WDPCP: variants seen among roughly 807,000 people sequenced by gnomAD.
The protein encoded by WDPCP is WD repeat-containing and planar cell polarity effector protein fritz homolog.
A neutral mutation model predicts 93.1 loss-of-function variants in WDPCP; 71 were observed. That is an observed-to-expected ratio of 0.76 (90% confidence interval 0.63 to 0.93). WDPCP has a LOEUF of 0.93. WDPCP is among the 40% of genes least tolerant of loss of function. WDPCP has a pLI of 0.00. For missense variants in WDPCP, 844 were observed against 887.4 expected (o/e 0.95, Z 0.62); for synonymous variants, 315 against 315.0 (o/e 1.00, Z 0.00).
chr2:63,659,994 A>T (rs561702078), intron 2 of WDPCP, among the ~76,000 whole-genome samples: 1 of 152,130 alleles, frequency 6.6e-6, no homozygotes, highest in African/African-American at 2.4e-5. Flanking sequence ...TATGCTGTAT[A>T]TTATATTTAC....
At position 63,788,262 on chromosome 2, in the gene WDPCP, TA is replaced by T. The variant is rs537036121; in HGVS notation, n.308+25359del. Among the ~76,000 whole-genome samples, 390 of 152,122 alleles carry T rather than the reference TA, an allele frequency of 2.6e-3. 1 individual carries two copies. The highest frequency in any genetic ancestry group is 2.8e-3 in the Non-Finnish European group (192 of 67,988). ...GATGTTCCAGTACAGTCAAGTACCA[TA>T]AAAAAACAAAATGAGCAATATGTCA... On this transcript the variant is annotated intron_variant and non_coding_transcript_variant, in intron 2 of 4. Transcript: ENST00000467687.
chr2:63,505,958 G>C (rs1213521565), intron 1 of WDPCP, among the ~76,000 whole-genome samples: 3 of 151,960 alleles, frequency 2.0e-5, no homozygotes, highest in African/African-American at 2.4e-5. Context: ...AAATAAAACA[G>C]AACCATGTCC....
At chr2:63,452,990 C>G (rs893323221) in intron 6 of WDPCP, among the ~76,000 whole-genome samples, 99 of 152,258 alleles carry the variant, frequency 6.5e-4, no homozygotes, top group Non-Finnish European at 1.2e-3. Flanking sequence ...CATAAAAACC[C>G]TAGAAGAAAA....
At chr2:63,350,593 T>C (rs763415019) in intron 12 of WDPCP, among the ~76,000 whole-genome samples, 7 of 152,142 alleles carry the variant, frequency 4.6e-5, no homozygotes, top group Non-Finnish European at 8.8e-5. Context: ...AGGCTTACAC[T>C]GTGAGCTACT....
intron 2 of WDPCP, among the ~76,000 whole-genome samples, chr2:63,731,148 A>G (rs1669554952): frequency 6.6e-6 from 1 of 151,870 alleles, no homozygotes. Flanking sequence ...ACGTGCCTGT[A>G]GTTCCAGCTA....
At chr2:63,285,998 C>CTG (rs1210535636) in intron 13 of WDPCP, among the ~76,000 whole-genome samples, 2 of 150,326 alleles carry the variant, frequency 1.3e-5, no homozygotes, top group Non-Finnish European at 3.0e-5. Context: ...ACAAGTTTCT[C>CTG]TCTCTCTCTC....
chr2:63,390,319 T>A (rs1276648287), intron 10 of WDPCP, among the ~76,000 whole-genome samples: 1 of 151,968 alleles, frequency 6.6e-6, no homozygotes, highest in East Asian at 1.9e-4. Context: ...ATAATGAAAT[T>A]AAGGCAGAAA....
At chr2:63,131,254 T>C (rs1215454359) in intron 17 of WDPCP, among the ~76,000 whole-genome samples, 1 of 152,190 alleles carries the variant, frequency 6.6e-6, no homozygotes, top group Non-Finnish European at 1.5e-5. Context: ...TGTGGCTTTT[T>C]GGTTCCTCAT....
chr2:63,396,889 C>T (rs571984296), intron 10 of WDPCP, among the ~76,000 whole-genome samples: 7 of 152,244 alleles, frequency 4.6e-5, no homozygotes, highest in African/African-American at 1.4e-4. Context: ...GCATTTAGCT[C>T]CCACTTATAA....
rs548053304 is a variant in WDPCP, at chr2:63,122,150, G to A, written c.2191-94C>T. 3 of 1,032,522 alleles carry A rather than the reference G, an allele frequency of 2.9e-6. No individual in the cohort carries two copies. The South Asian group carries it at 4.1e-5, about 14-fold the overall frequency. 64.0% of individuals were successfully genotyped at this position (1,032,522 alleles called of 1,614,324 possible). A position where few individuals can be genotyped will look rare whatever the true frequency, so the allele number is the denominator to read the frequency against. On this transcript the variant is annotated intron_variant, in intron 17 of 17. Transcript: ENST00000272321. Reference sequence around the variant, plus strand: ...TATTATTTTTAAGTACTGAAAAATAGTGAAACAAAATAAAATAGTTTAAAA... The same window carrying A: ...TATTATTTTTAAGTACTGAAAAATAATGAAACAAAATAAAATAGTTTAAAA...
At chr2:63,384,131 T>C (rs979221628) in intron 10 of WDPCP, among the ~76,000 whole-genome samples, 1 of 152,016 alleles carries the variant, frequency 6.6e-6, no homozygotes, top group Non-Finnish European at 1.5e-5. Flanking sequence ...ATATTTTTAA[T>C]TGAATTAAAG....
chr2:63,785,952 T>A (rs1670461872), intron 2 of WDPCP, among the ~76,000 whole-genome samples: 1 of 152,068 alleles, frequency 6.6e-6, no homozygotes, highest in African/African-American at 2.4e-5. Flanking sequence ...TTAACCACAC[T>A]GACATGGCTC....
chr2:63,320,128 A>G (rs1179102130), intron 12 of WDPCP, among the ~76,000 whole-genome samples: 1 of 152,174 alleles, frequency 6.6e-6, no homozygotes, highest in African/African-American at 2.4e-5. Flanking sequence ...ATCCAACTTA[A>G]TAATTTAAAA....
chr2:63,268,083 G>A (rs1013988406), intron 13 of WDPCP, among the ~76,000 whole-genome samples: 1 of 152,162 alleles, frequency 6.6e-6, no homozygotes, highest in African/African-American at 2.4e-5. Context: ...TCCATCAATG[G>A]TTGAATGGAT....
chr2:63,772,479 G>A (rs1002440229), intron 2 of WDPCP, among the ~76,000 whole-genome samples: 5 of 151,894 alleles, frequency 3.3e-5, no homozygotes, highest in African/African-American at 9.7e-5. Flanking sequence ...AACCTCACAA[G>A]GCCAATACAA....
At chr2:63,234,957 T>TAATATAAACA (rs1679254735) in intron 14 of WDPCP, among the ~76,000 whole-genome samples, 1 of 152,138 alleles carries the variant, frequency 6.6e-6, no homozygotes, top group African/African-American at 2.4e-5. Context: ...CATTAAGCTC[T>TAATATAAACA]TCTTCAAAAT....
intron 13 of WDPCP, among the ~76,000 whole-genome samples, chr2:63,308,638 C>G (rs1032162046): frequency 1.3e-5 from 2 of 152,026 alleles, no homozygotes; most frequent in African/African-American, 4.8e-5. Context: ...CAAGCTAACA[C>G]AGGAACAGAA....
rs370479356 is a variant in WDPCP, at chr2:63,602,934, C to CTTTTTTT, written n.488+47718_488+47724dup. ...ACATAATACAGTTTATTTAACCGTT[C>CTTTTTTT]TTTTTTTTTTTTTTTTTTTTTTTTT... On this transcript the variant is annotated intron_variant and non_coding_transcript_variant, in intron 3 of 4. Coordinates refer to the WDPCP transcript ENST00000467687. Among the ~76,000 whole-genome samples the CTTTTTTT allele has an allele frequency of 1.9e-3, 249 of 131,500 alleles. 12 individuals are homozygous for CTTTTTTT. The highest frequency in any genetic ancestry group is 3.4e-3 in the Non-Finnish European group (204 of 59,534). The allele number at this position is 131,500 out of a possible 152,430, so 86.3% of individuals were successfully genotyped here.
At chr2:63,510,105 A>C (rs918823295) in intron 1 of WDPCP, among the ~76,000 whole-genome samples, 2 of 152,180 alleles carry the variant, frequency 1.3e-5, no homozygotes, top group East Asian at 1.9e-4. Context: ...TCCTCATACG[A>C]AAACCTGGCA....
Sources: allele counts gnomAD v4.1 joint callset (sites outside exome capture counted in the v4.1 genomes callset), GRCh38; gene constraint gnomAD v4.1.1; transcripts MANE v1.5; gene names NCBI Gene and HGNC (gene_info 2026-07-23, HGNC 2026-07-21).